SFMBT1: variants seen among roughly 807,000 people sequenced by gnomAD.
The protein encoded by SFMBT1 is Scm like with four mbt domains 1.
SFMBT1 carries 32 observed loss-of-function variants against 108.7 expected under a neutral mutation model. The ratio of observed to expected loss-of-function variants is 0.29; its 90% confidence interval spans 0.22 to 0.40. The LOEUF (loss-of-function observed/expected upper bound fraction) is 0.40, where lower values mean the gene tolerates loss of function less well. Among genes scored for constraint, SFMBT1 ranks in the 10% least tolerant of loss-of-function variants. The probability of loss-of-function intolerance (pLI) is 1.00; values close to 1 mark genes in which losing one functional copy is unlikely to be tolerated. For synonymous variants in SFMBT1, 348 were observed against 369.5 expected (o/e 0.94, Z 0.67); for missense variants, 816 against 1,059.6 (o/e 0.77, Z 3.19).
At chr3:52,922,760 G>T (rs1389865829) in intron 10 of SFMBT1, among the ~76,000 whole-genome samples, 3 of 152,198 alleles carry the variant, frequency 2.0e-5, no homozygotes, top group Non-Finnish European at 4.4e-5. Flanking sequence ...CAGAAGGTGA[G>T]ATTTATCCTC....
At chr3:52,918,073 T>C (rs1702414601) in intron 13 of SFMBT1, among the ~76,000 whole-genome samples, 1 of 152,238 alleles carries the variant, frequency 6.6e-6, no homozygotes, top group Non-Finnish European at 1.5e-5. Context: ...AAGAATTTCT[T>C]GATGGGCACA....
intron 2 of SFMBT1, among the ~76,000 whole-genome samples, chr3:52,961,517 T>C (rs1393063357): frequency 2.0e-5 from 3 of 149,268 alleles, no homozygotes; most frequent in South Asian, 2.1e-4. Context: ...TGCCTGTGAA[T>C]AGCCACTGCA....
chr3:53,040,968 A>ATTTTTTTTTTT lies in SFMBT1; in HGVS notation c.-131+4837_-131+4847dup, dbSNP rs57640588. Among the ~76,000 whole-genome samples, 185 of 46,376 alleles carry ATTTTTTTTTTT rather than the reference A, an allele frequency of 4.0e-3. 23 individuals are homozygous for ATTTTTTTTTTT. Among genetic ancestry groups the ATTTTTTTTTTT allele is most frequent in the Non-Finnish European group, 5.8e-3 (145 of 25,164 alleles). The allele number at this position is 46,376 out of a possible 152,430, so 30.4% of individuals were successfully genotyped here. A position where few individuals can be genotyped will look rare whatever the true frequency, so the allele number is the denominator to read the frequency against. On this transcript the variant is annotated intron_variant, in intron 1 of 20. Coordinates refer to ENST00000394752, the MANE Select transcript of SFMBT1 (RefSeq NM_016329.4). ...TACAGGCATGCACCAAGACACCTGA[A>ATTTTTTTTTTT]TTTTTTTTTTTTTTTTTTTTTTTTT...
intron 11 of SFMBT1, among the ~76,000 whole-genome samples, chr3:52,921,417 T>C (rs533622127): frequency 6.6e-6 from 1 of 152,228 alleles, no homozygotes; most frequent in Non-Finnish European, 1.5e-5. Context: ...CATGCTCATA[T>C]AACTTGGTCA....
At chr3:52,944,343 G>A (rs1703286927) in intron 3 of SFMBT1, among the ~76,000 whole-genome samples, 1 of 152,140 alleles carries the variant, frequency 6.6e-6, no homozygotes. Flanking sequence ...TAGGCAGATA[G>A]AGACAGACAG....
chr3:53,009,678 T>G lies in SFMBT1; in HGVS notation c.-131+36138A>C, dbSNP rs150198656. On this transcript the variant is annotated intron_variant, in intron 1 of 20. Coordinates refer to ENST00000394752, the MANE Select transcript of SFMBT1 (RefSeq NM_016329.4). The stretch of plus-strand genomic sequence containing the variant: ...CTGCCCTCACAGGAAAAAATCTGCA[T>G]GTAACTTCTGACTCCCCAAAACTTT... Among the ~76,000 whole-genome samples the G allele has an allele frequency of 2.2e-3, 337 of 152,282 alleles. 1 individual carries two copies. The highest frequency in any genetic ancestry group is 7.1e-3 in the African/African-American group (296 of 41,560).
At chr3:52,969,304 T>C in intron 1 of SFMBT1, 46 bp from the exon 2 acceptor site, 8 of 1,456,936 alleles carry the variant, frequency 5.5e-6, no homozygotes, top group Non-Finnish European at 7.2e-6. Context: ...AGCCCAAGTG[T>C]GCTCACTCAC....
chr3:52,921,616 C>G lies in SFMBT1; in HGVS notation c.1258+89G>C, dbSNP rs151001784. 834 of 1,366,590 alleles carry G rather than the reference C, an allele frequency of 6.1e-4. 1 individual carries two copies. In the African/African-American group the frequency reaches 0.011, roughly 18 times the overall value. The allele number at this position is 1,366,590 out of a possible 1,614,324, so 84.7% of individuals were successfully genotyped here. A position where few individuals can be genotyped will look rare whatever the true frequency, so the allele number is the denominator to read the frequency against. On this transcript the variant is annotated intron_variant, in intron 11 of 20. Coordinates refer to ENST00000394752, the MANE Select transcript of SFMBT1 (RefSeq NM_016329.4). ...GAACAAGATCCCTATTTAACTAATC[C>G]ATTAAGTTTAACAGGCAACATTACA...
intron 1 of SFMBT1, among the ~76,000 whole-genome samples, chr3:53,045,496 G>C (rs1700201772): frequency 7.0e-6 from 1 of 143,594 alleles, no homozygotes; most frequent in Admixed American, 6.9e-5. Context: ...CGCGCTGCCT[G>C]CCAGGGGCTG....
chr3:52,938,445 C>T (rs528273622), intron 4 of SFMBT1, among the ~76,000 whole-genome samples: 6 of 152,006 alleles, frequency 3.9e-5, no homozygotes, highest in African/African-American at 1.4e-4. Flanking sequence ...TTTTGTTCTA[C>T]GGATTACCTT....
chr3:52,998,998 T>C (rs568488840), intron 1 of SFMBT1, among the ~76,000 whole-genome samples: 1 of 150,948 alleles, frequency 6.6e-6, no homozygotes, highest in East Asian at 1.9e-4. Context: ...CTGGCTCTAC[T>C]GTGAGCCGCC....
At chr3:52,984,398 CT>C (rs201391464) in intron 1 of SFMBT1, among the ~76,000 whole-genome samples, 139 of 143,760 alleles carry the variant, frequency 9.7e-4, no homozygotes, top group African/African-American at 9.4e-4. Flanking sequence ...GGGGCCAATT[CT>C]TTTTTTTTTT....
intron 1 of SFMBT1, among the ~76,000 whole-genome samples, chr3:52,999,865 GC>G (rs1377382403): frequency 1.3e-5 from 2 of 149,906 alleles, no homozygotes; most frequent in Non-Finnish European, 3.0e-5. Flanking sequence ...TGAAGTTTTT[GC>G]TTTTTTTTTG....
chr3:53,008,060 C>T (rs1294747057), intron 1 of SFMBT1, among the ~76,000 whole-genome samples: 6 of 121,942 alleles, frequency 4.9e-5, no homozygotes, highest in Non-Finnish European at 9.1e-5. Flanking sequence ...TTTGCTTGCC[C>T]CACCCCCGCA....
intron 2 of SFMBT1, among the ~76,000 whole-genome samples, chr3:52,955,932 T>A (rs1387064531): frequency 6.6e-6 from 1 of 152,118 alleles, no homozygotes; most frequent in Admixed American, 6.6e-5. Flanking sequence ...ATATTCCTGA[T>A]GAACATCAAT....
chr3:52,997,523 G>A lies in SFMBT1; in HGVS notation c.-130-28265C>T, dbSNP rs923361334. On this transcript the variant is annotated intron_variant, in intron 1 of 20. Transcript: ENST00000394752. The stretch of plus-strand genomic sequence containing the variant: ...TGCACTCCAGCCTGGGTGACAGAGC[G>A]AGAGTCCATCTCAAAAAAAAAAAGA... 8.8e-5 allele frequency among the ~76,000 whole-genome samples: 13 copies of A among 148,432 alleles called. 1 individual carries two copies. The highest frequency in any genetic ancestry group is 7.5e-4 in the Admixed American group (11 of 14,652).
Position 52,934,827 on chromosome 3 carries a change from G to T in SFMBT1, c.439C>A (p.Pro147Thr). ...GTAATACTCACGCCCTCTAGCAGCG[G>T]AACAGGAGGACTACATGCTCCTATC... ...TLIGACSPPV[P>T]LLEGLRNGRN... is the part of the protein sequence containing the mutation. Residue 147 changes from proline to threonine, a missense_variant, in exon 5 of 21, where the codon CCG becomes ACG. Pro to Thr is a conservative substitution (Grantham distance 38, BLOSUM62 -1). Transcript: ENST00000394752. 6.2e-7 allele frequency: 1 copy of T among 1,613,348 alleles called. No individual in the cohort carries two copies. The highest frequency in any genetic ancestry group is 8.5e-7 in the Non-Finnish European group (1 of 1,179,618).
At chr3:52,978,407 C>G (rs780263485) in intron 1 of SFMBT1, among the ~76,000 whole-genome samples, 4 of 152,122 alleles carry the variant, frequency 2.6e-5, no homozygotes, top group Non-Finnish European at 5.9e-5. Flanking sequence ...CACTGCCTGC[C>G]ACTCCCATGT....
At chr3:52,930,065 G>T (rs1235727446) in intron 8 of SFMBT1, among the ~76,000 whole-genome samples, 1 of 152,140 alleles carries the variant, frequency 6.6e-6, no homozygotes, top group East Asian at 1.9e-4. Flanking sequence ...CTTATATGCA[G>T]CTAGGCCTGC....
Sources: gnomAD v4.1 joint callset for allele counts (sites outside exome capture counted in the v4.1 genomes callset) on GRCh38, gnomAD v4.1.1 for gene constraint, MANE v1.5 for transcripts, NCBI Gene and HGNC (gene_info 2026-07-23, HGNC 2026-07-21) for gene names.